The following FOXP2 variants were observed in gnomAD, a reference collection of about 807,000 sequenced individuals.
The protein encoded by FOXP2 is forkhead box protein P2.
A neutral mutation model predicts 115.8 loss-of-function variants in FOXP2; 12 were observed. That is an observed-to-expected ratio of 0.10 (90% CI 0.07 to 0.17). FOXP2 has a LOEUF of 0.17. FOXP2 is among the 10% of genes least tolerant of loss of function. The pLI is 1.00. For missense variants in FOXP2, 629 were observed against 843.5 expected, an observed-to-expected ratio of 0.75 and a Z score of 3.15; for synonymous variants, 328 against 297.7, an observed-to-expected ratio of 1.10 and a Z score of -1.05.
chr7:114,497,511 T>C (rs1009552959), intron 2 of FOXP2, among the ~76,000 whole-genome samples: 1 of 151,914 alleles, frequency 6.6e-6, no homozygotes, highest in African/African-American at 2.4e-5. Flanking sequence ...TAGCCAGGTG[T>C]GGTGGTGCAC....
At chr7:114,518,742 G>A (rs968910568) in intron 2 of FOXP2, among the ~76,000 whole-genome samples, 6 of 152,118 alleles carry the variant, frequency 3.9e-5, no homozygotes, top group Admixed American at 1.3e-4. Context: ...CTGATCTCAA[G>A]TGATCTTCCC....
chr7:114,481,366 A>G (rs559139826), intron 2 of FOXP2, among the ~76,000 whole-genome samples: 3 of 151,398 alleles, frequency 2.0e-5, no homozygotes, highest in African/African-American at 4.8e-5. Flanking sequence ...ATTTAAATCT[A>G]TACTTAAACC....
At chr7:114,582,180 G>A (rs930619424) in intron 3 of FOXP2, among the ~76,000 whole-genome samples, 1 of 152,118 alleles carries the variant, frequency 6.6e-6, no homozygotes, top group African/African-American at 2.4e-5. Flanking sequence ...ATGCCATTAA[G>A]GGCACAGAGA....
At chr7:114,504,278 T>C (rs912393930) in intron 2 of FOXP2, among the ~76,000 whole-genome samples, 3 of 151,674 alleles carry the variant, frequency 2.0e-5, no homozygotes, top group Non-Finnish European at 4.4e-5. Flanking sequence ...CTTTTATTAC[T>C]TTTTTCTCTC....
At chr7:114,284,201 C>G (rs1212741248) in intron 1 of FOXP2, among the ~76,000 whole-genome samples, 6 of 151,940 alleles carry the variant, frequency 3.9e-5, no homozygotes, top group Non-Finnish European at 8.8e-5. Flanking sequence ...TCCTTTCACT[C>G]AGGCAGAGTT....
chr7:114,651,725 G>A (rs1234752929), intron 8 of FOXP2, among the ~76,000 whole-genome samples: 1 of 151,852 alleles, frequency 6.6e-6, no homozygotes, highest in Non-Finnish European at 1.5e-5. Context: ...ATTTTCCACG[G>A]GAGATAATTT....
In FOXP2 at chr7:114,664,455, C is replaced by T. The variant is rs1807055319; in HGVS notation, c.2003+19C>T. ...CGCACATGTAAGTGTGGTTAACAGA[C>T]TCTCTAAAGGGAAGAATCTATATTA... On this transcript the variant is annotated intron_variant, in intron 16 of 16. Transcript: ENST00000350908. 22 of 1,613,042 alleles carry T rather than the reference C, an allele frequency of 1.4e-5. No individual in the cohort carries two copies. Among genetic ancestry groups the T allele is most frequent in the Non-Finnish European group, 1.9e-5 (22 of 1,179,390 alleles).
In FOXP2 at chr7:114,186,145, G is replaced by A. The variant is rs532591919; in HGVS notation, c.-102+23057G>A. Among the ~76,000 whole-genome samples, 29 of 152,144 alleles carry A rather than the reference G, an allele frequency of 1.9e-4. 1 individual carries two copies. In the East Asian group the frequency reaches 3.5e-3, roughly 18 times the overall value. ...TTTTAGCATGATTTTTGGACGGGACGTATGTTCAAACCATAGAATCTCATC... is the reference window on the plus strand; with the variant it reads ...TTTTAGCATGATTTTTGGACGGGACATATGTTCAAACCATAGAATCTCATC... On this transcript the variant is annotated intron_variant, in intron 1 of 17. Coordinates refer to the FOXP2 transcript ENST00000634411.
chr7:114,237,728 C>T (rs904952405), intron 1 of FOXP2, among the ~76,000 whole-genome samples: 2 of 151,898 alleles, frequency 1.3e-5, no homozygotes, highest in Admixed American at 6.6e-5. Flanking sequence ...AATCTCAGCA[C>T]TTTGGGAGAC....
intron 2 of FOXP2, among the ~76,000 whole-genome samples, chr7:114,303,247 T>C (rs1172034148): frequency 6.6e-6 from 1 of 152,186 alleles, no homozygotes; most frequent in Non-Finnish European, 1.5e-5. Context: ...AAGGATAAAA[T>C]TGAGCTGTTT....
intron 3 of FOXP2, among the ~76,000 whole-genome samples, chr7:114,557,222 A>G (rs1440805502): frequency 6.6e-6 from 1 of 152,186 alleles, no homozygotes; most frequent in African/African-American, 2.4e-5. Context: ...CAGAATATAG[A>G]CTTACTCAGA....
chr7:114,509,509 C>A (rs925602149), intron 2 of FOXP2, among the ~76,000 whole-genome samples: 3 of 151,930 alleles, frequency 2.0e-5, no homozygotes, highest in Non-Finnish European at 4.4e-5. Flanking sequence ...TTTATAAATT[C>A]TGGGTACATT....
At chr7:114,458,968 C>A (rs73208655) in intron 2 of FOXP2, among the ~76,000 whole-genome samples, 2,150 of 152,222 alleles carry the variant, frequency 0.014, 17 homozygotes, top group Non-Finnish European at 0.021. Context: ...TGGTGGCTGG[C>A]TTCATCCGGA....
chr7:114,366,837 C>T (rs928909719), intron 2 of FOXP2, among the ~76,000 whole-genome samples: 3 of 152,012 alleles, frequency 2.0e-5, no homozygotes, highest in Non-Finnish European at 4.4e-5. Flanking sequence ...CCTCTCATCA[C>T]TATTAGACTT....
chr7:114,453,734 C>T (rs541351367), intron 2 of FOXP2, among the ~76,000 whole-genome samples: 21 of 152,184 alleles, frequency 1.4e-4, no homozygotes, highest in Admixed American at 9.8e-4. Context: ...CTATATCTCC[C>T]TTAAATAAAC....
chr7:114,215,297 C>T (rs1024634097), intron 1 of FOXP2, among the ~76,000 whole-genome samples: 1 of 152,184 alleles, frequency 6.6e-6, no homozygotes, highest in Non-Finnish European at 1.5e-5. Flanking sequence ...GTGGTTTTGT[C>T]ACATCAATCC....
intron 2 of FOXP2, among the ~76,000 whole-genome samples, chr7:114,359,024 T>C (rs957831876): frequency 1.3e-5 from 2 of 152,050 alleles, no homozygotes; most frequent in Non-Finnish European, 2.9e-5. Flanking sequence ...TCTTCAGGGC[T>C]TATCAAAGGT....
intron 2 of FOXP2, among the ~76,000 whole-genome samples, chr7:114,362,920 A>G (rs1791787903): frequency 6.6e-6 from 1 of 152,074 alleles, no homozygotes; most frequent in South Asian, 2.1e-4. Context: ...TAAAGGGTGG[A>G]TGACAACTGG....
chr7:114,575,319 G>A (rs1279551216), intron 3 of FOXP2, among the ~76,000 whole-genome samples: 1 of 151,784 alleles, frequency 6.6e-6, no homozygotes, highest in Non-Finnish European at 1.5e-5. Context: ...TAGATGTTGA[G>A]TCAGTATCTG....
Sources: gnomAD v4.1 joint callset for allele counts (sites outside exome capture counted in the v4.1 genomes callset) on GRCh38, gnomAD v4.1.1 for gene constraint, MANE v1.5 for transcripts, NCBI Gene and HGNC (gene_info 2026-07-23, HGNC 2026-07-21) for gene names.